The following RTN4RL1 variants were observed in gnomAD, a reference collection of about 807,000 sequenced individuals.
RTN4RL1 encodes the protein reticulon-4 receptor-like 1.
Under a neutral mutation model 25.6 loss-of-function variants are expected in RTN4RL1, and 7 were observed. The ratio of observed to expected loss-of-function variants is 0.27; its 90% CI spans 0.16 to 0.51. RTN4RL1 has a LOEUF of 0.51. Among genes scored for constraint, RTN4RL1 ranks in the 20% least tolerant of loss-of-function variants. RTN4RL1 has a pLI of 0.97. For missense variants in RTN4RL1, 500 were observed against 615.6 expected (o/e 0.81, Z 1.99); for synonymous variants, 297 against 288.2 (o/e 1.03, Z -0.31).
intron 1 of RTN4RL1, among the ~76,000 whole-genome samples, chr17:1,956,288 A>G (rs1454633596): frequency 6.6e-6 from 1 of 152,144 alleles, no homozygotes; most frequent in Non-Finnish European, 1.5e-5. Context: ...CGCAGCTCCT[A>G]ACGCGTACGG....
chr17:1,966,420 G>A (rs2066791623), intron 1 of RTN4RL1, among the ~76,000 whole-genome samples: 1 of 152,170 alleles, frequency 6.6e-6, no homozygotes, highest in Non-Finnish European at 1.5e-5. Context: ...GATGGAAACC[G>A]ATGGAGGGAG....
chr17:1,944,616 C>T (rs1915498871), intron 1 of RTN4RL1, among the ~76,000 whole-genome samples: 1 of 152,044 alleles, frequency 6.6e-6, no homozygotes, highest in African/African-American at 2.4e-5. Flanking sequence ...ACCACCACAC[C>T]CGGCTAATTT....
Position 1,953,012 on chromosome 17 carries a change from G to A in RTN4RL1, c.14-15204C>T, listed in dbSNP as rs187444957. ...GAACTGCTTGAACCCAGGAGGCAGAGGCTGTAGTGAGCCGAGATTGTGCCA... is the reference window on the plus strand; with the variant it reads ...GAACTGCTTGAACCCAGGAGGCAGAAGCTGTAGTGAGCCGAGATTGTGCCA... On this transcript the variant is annotated intron_variant, in intron 1 of 1. Coordinates refer to ENST00000331238, the MANE Select transcript of RTN4RL1 (RefSeq NM_178568.4). Among the ~76,000 whole-genome samples, 199 of 152,018 alleles carry A rather than the reference G, an allele frequency of 1.3e-3. 1 individual carries two copies. The highest frequency in any genetic ancestry group is 4.7e-3 in the African/African-American group (194 of 41,450).
chr17:2,012,596 G>GT (rs377749447), intron 1 of RTN4RL1, among the ~76,000 whole-genome samples: 1,612 of 146,724 alleles, frequency 0.011, 32 homozygotes, highest in African/African-American at 0.038. Flanking sequence ...TTCTCTCTCT[G>GT]TTTTTTTTTT....
intron 1 of RTN4RL1, among the ~76,000 whole-genome samples, chr17:1,954,572 G>C (rs140454283): frequency 6.6e-6 from 1 of 152,050 alleles, no homozygotes; most frequent in African/African-American, 2.4e-5. Flanking sequence ...ATTTTTAGTA[G>C]AGACGGGGTT....
At chr17:1,948,606 G>T (rs1008557674) in intron 1 of RTN4RL1, among the ~76,000 whole-genome samples, 1 of 152,088 alleles carries the variant, frequency 6.6e-6, no homozygotes, top group African/African-American at 2.4e-5. Context: ...GGCAGACACA[G>T]GTGGACGGGC....
intron 1 of RTN4RL1, among the ~76,000 whole-genome samples, chr17:1,944,136 G>T (rs1915491462): frequency 1.3e-5 from 2 of 152,058 alleles, no homozygotes; most frequent in Non-Finnish European, 2.9e-5. Context: ...TGTTCCCCAG[G>T]CTGGTCTTGA....
At chr17:1,976,265 C>T (rs1177126334) in intron 1 of RTN4RL1, among the ~76,000 whole-genome samples, 1 of 152,204 alleles carries the variant, frequency 6.6e-6, no homozygotes, top group African/African-American at 2.4e-5. Context: ...CCCCAGGGGT[C>T]TTCACTCAAC....
chr17:2,003,799 G>C (rs920254160), intron 1 of RTN4RL1: 2 of 152,412 alleles, frequency 1.3e-5, no homozygotes, highest in African/African-American at 4.8e-5. Context: ...GGCCGGGCGC[G>C]GTGGCTCATG....
intron 1 of RTN4RL1, among the ~76,000 whole-genome samples, chr17:2,016,360 G>T (rs1420812270): frequency 2.0e-5 from 3 of 152,090 alleles, no homozygotes; most frequent in African/African-American, 7.2e-5. Context: ...CAGCCTGGGT[G>T]ACACAGCAAG....
At position 1,998,793 on chromosome 17, in the gene RTN4RL1, TG is replaced by T. The variant is rs1433959814; in HGVS notation, c.13+26059del. Among the ~76,000 whole-genome samples, 5 of 132,364 alleles carry T rather than the reference TG, an allele frequency of 3.8e-5. No individual in the cohort carries two copies. Among genetic ancestry groups the T allele is most frequent in the African/African-American group, 1.4e-4 (5 of 35,998 alleles). 86.8% of individuals were successfully genotyped at this position (132,364 alleles called of 152,430 possible). ...GGGGACCCCGGGGTGGGGGTGGGGG[TG>T]GGGCTCTGCGAGGGCCCTAAAAACG... On this transcript the variant is annotated intron_variant, in intron 1 of 1. Coordinates refer to ENST00000331238, the MANE Select transcript of RTN4RL1 (RefSeq NM_178568.4). The surrounding 1 kb of genome is among the most constrained non-coding windows in gnomAD (Gnocchi z 4.9).
chr17:2,018,605 A>C (rs967249762), intron 1 of RTN4RL1, among the ~76,000 whole-genome samples: 2 of 152,224 alleles, frequency 1.3e-5, no homozygotes, highest in African/African-American at 2.4e-5. Context: ...CACGTGAGAC[A>C]GTGGAGCACA....
rs1915273595 is a variant in RTN4RL1, at chr17:1,935,361, A to G, written c.*1135T>C. 1 of 162,080 alleles carries G rather than the reference A, an allele frequency of 6.2e-6. No individual in the cohort carries two copies. The highest frequency in any genetic ancestry group is 1.3e-5 in the Non-Finnish European group (1 of 76,748). The allele number at this position is 162,080 out of a possible 1,614,324, so 10.0% of individuals were successfully genotyped here. A position where few individuals can be genotyped will look rare whatever the true frequency, so the allele number is the denominator to read the frequency against. On this transcript the variant is annotated 3_prime_UTR_variant, in exon 2 of 2. Transcript: ENST00000331238. ...ACTTCTCACCCTGAAGCCAACAGCT[A>G]CGACAGCAGGGGTGACAGGGCGCTC...
At chr17:1,947,183 ACTGTGTGT>A (rs1235876995) in intron 1 of RTN4RL1, among the ~76,000 whole-genome samples, 1 of 141,598 alleles carries the variant, frequency 7.1e-6, no homozygotes, top group East Asian at 2.1e-4. Context: ...TCTCTGTGTG[ACTGTGTGT>A]CTGTGTGTGC....
chr17:1,977,519 C>T (rs2066847598), intron 1 of RTN4RL1, among the ~76,000 whole-genome samples: 1 of 152,138 alleles, frequency 6.6e-6, no homozygotes, highest in African/African-American at 2.4e-5. Context: ...CGCCCAGTGC[C>T]GCCCCCCACC....
chr17:2,021,943 C>T (rs1005805887), intron 1 of RTN4RL1, among the ~76,000 whole-genome samples: 12 of 151,376 alleles, frequency 7.9e-5, no homozygotes, highest in Non-Finnish European at 1.2e-4. Flanking sequence ...ACTGCAGCCC[C>T]CACCTCTCAG....
intron 1 of RTN4RL1, among the ~76,000 whole-genome samples, chr17:2,015,487 A>C (rs2067108856): frequency 6.6e-6 from 1 of 152,138 alleles, no homozygotes; most frequent in Non-Finnish European, 1.5e-5. Flanking sequence ...GGGAGGTGCC[A>C]CATTGGAGAG....
At chr17:2,022,547 G>T (rs908255639) in intron 1 of RTN4RL1, among the ~76,000 whole-genome samples, 2 of 152,212 alleles carry the variant, frequency 1.3e-5, no homozygotes, top group African/African-American at 4.8e-5. Flanking sequence ...GCATGCTTTT[G>T]GCTTTGGGCG....
chr17:2,009,591 CAAA>C (rs528797675), intron 1 of RTN4RL1, among the ~76,000 whole-genome samples: 4 of 65,530 alleles, frequency 6.1e-5, no homozygotes, highest in Non-Finnish European at 8.9e-5. Context: ...GACTCCGTCT[CAAA>C]AAAAAAAAAA....
Sources: gnomAD v4.1 joint callset for allele counts (sites outside exome capture counted in the v4.1 genomes callset) on GRCh38, gnomAD v4.1.1 for gene constraint, Gnocchi (gnomAD v3.1) non-coding constraint, MANE v1.5 for transcripts, NCBI Gene and HGNC (gene_info 2026-07-23, HGNC 2026-07-21) for gene names.